MAGI2: variants seen among roughly 807,000 people sequenced by gnomAD.
The protein encoded by MAGI2 is membrane-associated guanylate kinase, WW and PDZ domain-containing protein 2.
In MAGI2, 35 loss-of-function variants were observed where a neutral mutation model predicts 133.3. The ratio of observed to expected loss-of-function variants is 0.26; its 90% CI spans 0.20 to 0.35. The LOEUF (loss-of-function observed/expected upper bound fraction) is 0.35, where lower values mean the gene tolerates loss of function less well. Among genes scored for constraint, MAGI2 ranks in the 10% least tolerant of loss-of-function variants. MAGI2 has a pLI of 1.00. For synonymous variants in MAGI2, 729 were observed against 710.6 expected (o/e 1.03, Z -0.41); for missense variants, 1,636 against 1,863.4 (o/e 0.88, Z 2.25).
chr7:79,164,259 T>G (rs1248909932), intron 1 of MAGI2, among the ~76,000 whole-genome samples: 1 of 152,032 alleles, frequency 6.6e-6, no homozygotes, highest in East Asian at 1.9e-4. Flanking sequence ...CTGGCAGGTT[T>G]TATTTAACCG....
chr7:78,367,869 C>T (rs1793541240), intron 7 of MAGI2, among the ~76,000 whole-genome samples: 1 of 152,158 alleles, frequency 6.6e-6, no homozygotes, highest in Non-Finnish European at 1.5e-5. Flanking sequence ...AATTCATCAG[C>T]AATCTAGTGG....
rs188583697 is a variant in MAGI2 at position 78,425,694 on chromosome 7, G to A, written c.1046-56481C>T. 4.4e-4 allele frequency among the ~76,000 whole-genome samples: 67 copies of A among 152,292 alleles called. No individual in the cohort carries two copies. The East Asian group carries it at 0.012, about 27-fold the overall frequency. ...TTTGTAGTCCTTGCTCAGTCAGAATGGAGAAACCTCACAAACTTTCTTGGG... is the reference window on the plus strand; with the variant it reads ...TTTGTAGTCCTTGCTCAGTCAGAATAGAGAAACCTCACAAACTTTCTTGGG... On this transcript the variant is annotated intron_variant, in intron 6 of 21. Transcript: ENST00000354212.
chr7:79,268,366 T>C (rs1349187577), intron 1 of MAGI2, among the ~76,000 whole-genome samples: 2 of 152,192 alleles, frequency 1.3e-5, no homozygotes, highest in Non-Finnish European at 2.9e-5. Context: ...ACAGAACTTA[T>C]ATAGTTTAAT....
At chr7:78,225,375 G>T (rs1414407881) in intron 10 of MAGI2, among the ~76,000 whole-genome samples, 1 of 151,586 alleles carries the variant, frequency 6.6e-6, no homozygotes, top group African/African-American at 2.4e-5. Context: ...TTTGAGACAG[G>T]GTCTTGCTCT....
At chr7:78,480,880 TG>T (rs1188750331) in intron 6 of MAGI2, among the ~76,000 whole-genome samples, 1 of 151,916 alleles carries the variant, frequency 6.6e-6, no homozygotes, top group Non-Finnish European at 1.5e-5. Context: ...CATATATTTT[TG>T]CTGAAATTAC....
At chr7:78,909,418 C>T (rs1282756898) in intron 2 of MAGI2, among the ~76,000 whole-genome samples, 1 of 142,956 alleles carries the variant, frequency 7.0e-6, no homozygotes, top group Non-Finnish European at 1.5e-5. Context: ...ATGGTGAAAC[C>T]CCGTCTCTAC....
chr7:79,171,687 T>C (rs1271151951), intron 1 of MAGI2, among the ~76,000 whole-genome samples: 3 of 142,494 alleles, frequency 2.1e-5, no homozygotes, highest in Non-Finnish European at 3.1e-5. Flanking sequence ...AGATAGTAAG[T>C]AATTCACCTT....
At chr7:79,153,278 G>C (rs1189615464) in intron 1 of MAGI2, among the ~76,000 whole-genome samples, 2 of 152,148 alleles carry the variant, frequency 1.3e-5, no homozygotes, top group African/African-American at 4.8e-5. Flanking sequence ...TTAGTTACAT[G>C]CTTGGCAACT....
At chr7:79,397,484 T>A (rs6466622) in intron 1 of MAGI2, among the ~76,000 whole-genome samples, 23,954 of 151,926 alleles carry the variant, frequency 0.16, 2,146 homozygotes, top group African/African-American at 0.23. Flanking sequence ...TTTCCAGAGG[T>A]AAGCATTCTA....
Position 78,019,984 on chromosome 7 carries a change from C to T in MAGI2, c.3707-8G>A, listed in dbSNP as rs754558262. ...TCCAGGGGGCGGGTTCGTCTGTGGA[C>T]GGGAAGCACAGGCGTTAGCAGTGGC... On this transcript the variant is annotated splice_polypyrimidine_tract_variant and splice_region_variant and intron_variant, in intron 21 of 21. Coordinates refer to ENST00000354212, the MANE Select transcript of MAGI2 (RefSeq NM_012301.4). 1.6e-5 allele frequency: 26 copies of T among 1,599,118 alleles called. No individual in the cohort carries two copies. The highest frequency in any genetic ancestry group is 2.0e-5 in the Non-Finnish European group (23 of 1,175,034).
chr7:79,327,039 A>G (rs889977695), intron 1 of MAGI2, among the ~76,000 whole-genome samples: 3 of 152,112 alleles, frequency 2.0e-5, no homozygotes, highest in African/African-American at 7.2e-5. Flanking sequence ...ATAAAAGGAA[A>G]ATCATTTTAC....
chr7:78,361,289 G>A lies in MAGI2; in HGVS notation c.1103+7867C>T, dbSNP rs1044410203. Among the ~76,000 whole-genome samples, 63 of 152,094 alleles carry A rather than the reference G, an allele frequency of 4.1e-4. 1 individual carries two copies. Among genetic ancestry groups the A allele is most frequent in the Non-Finnish European group, 1.0e-4 (7 of 67,980 alleles). On this transcript the variant is annotated intron_variant, in intron 7 of 21. Coordinates refer to ENST00000354212, the MANE Select transcript of MAGI2 (RefSeq NM_012301.4). Reference sequence around the variant, plus strand: ...GGTGCCTGTAATCCCAGCTACTTGGGGGGCTGAGGCAGAGAACTGCTTGAA... The same window carrying A: ...GGTGCCTGTAATCCCAGCTACTTGGAGGGCTGAGGCAGAGAACTGCTTGAA...
chr7:78,688,606 T>C (rs1371270022), intron 2 of MAGI2, among the ~76,000 whole-genome samples: 1 of 152,224 alleles, frequency 6.6e-6, no homozygotes, highest in East Asian at 1.9e-4. Flanking sequence ...TCCTTGTGGT[T>C]CACAGAAGTG....
Position 78,019,769 on chromosome 7 carries a change from T to C in MAGI2, c.3914A>G (p.Gln1305Arg). The change falls in exon 22 of 22, where the codon CAG becomes CGG. Residue 1305 changes from glutamine (Q) to arginine (R), a missense_variant. Physicochemically the swap from Gln to Arg is conservative, Grantham distance 43 (BLOSUM62 1). Coordinates refer to ENST00000354212, the MANE Select transcript of MAGI2 (RefSeq NM_012301.4). Reference protein sequence around the residue: ...RKPKELSACGQKKQRLGEQRE... With the variant: ...RKPKELSACGRKKQRLGEQRE... Reference sequence around the variant, plus strand: ...CTGCTCCCCGAGGCGCTGCTTCTTCTGGCCGCAGGCTGAAAGCTCCTTTGG... The same window carrying C: ...CTGCTCCCCGAGGCGCTGCTTCTTCCGGCCGCAGGCTGAAAGCTCCTTTGG... 6.2e-7 allele frequency: 1 copy of C among 1,612,712 alleles called. No individual in the cohort carries two copies.
intron 5 of MAGI2, among the ~76,000 whole-genome samples, chr7:78,498,131 A>G (rs1217848155): frequency 1.3e-5 from 2 of 152,214 alleles, no homozygotes; most frequent in Non-Finnish European, 2.9e-5. Flanking sequence ...GGCTGAGAGT[A>G]GATTTTAAGT....
At chr7:79,186,776 T>TTTATACAAAAGTATATATATATATAC (rs1562974168) in intron 1 of MAGI2, among the ~76,000 whole-genome samples, 3 of 98,166 alleles carry the variant, frequency 3.1e-5, no homozygotes, top group Admixed American at 1.2e-4. Context: ...TATATATATA[T>TTTATACAAAAGTATATATATATATAC]ACACACACAC....
intron 1 of MAGI2, among the ~76,000 whole-genome samples, chr7:79,283,997 G>C (rs542503727): frequency 6.6e-6 from 1 of 152,116 alleles, no homozygotes; most frequent in Admixed American, 6.6e-5. Context: ...ACAGTAACAT[G>C]CTATATAGGT....
chr7:79,036,169 C>A (rs1811107994), intron 1 of MAGI2, among the ~76,000 whole-genome samples: 1 of 152,136 alleles, frequency 6.6e-6, no homozygotes, highest in Non-Finnish European at 1.5e-5. Context: ...ATGTATAATC[C>A]CTCACAGTTT....
At chr7:78,567,687 C>T (rs1801089633) in intron 3 of MAGI2, among the ~76,000 whole-genome samples, 2 of 152,148 alleles carry the variant, frequency 1.3e-5, no homozygotes, top group South Asian at 4.1e-4. Context: ...CCCTGCATCG[C>T]CAGTTTTCCT....
Sources: allele counts gnomAD v4.1 joint callset (sites outside exome capture counted in the v4.1 genomes callset), GRCh38; gene constraint gnomAD v4.1.1; transcripts MANE v1.5; gene names NCBI Gene and HGNC (gene_info 2026-07-23, HGNC 2026-07-21).